EBF1: variants seen among roughly 807,000 people sequenced by gnomAD.
EBF1 encodes the protein EBF transcription factor 1.
EBF1 carries 10 observed loss-of-function variants against 68.4 expected under a neutral mutation model. The observed-to-expected ratio is 0.15, with a 90% CI of 0.09 to 0.25. The LOEUF (loss-of-function observed/expected upper bound fraction) is 0.25, where lower values mean the gene tolerates loss of function less well. Among genes scored for constraint, EBF1 ranks in the 10% least tolerant of loss-of-function variants. The pLI is 1.00. For missense variants in EBF1, 509 were observed against 794.4 expected (o/e 0.64, Z 4.32); for synonymous variants, 298 against 299.8 (o/e 0.99, Z 0.06).
intron 9 of EBF1, among the ~76,000 whole-genome samples, chr5:158,790,882 A>C (rs548313126): frequency 6.6e-6 from 1 of 152,332 alleles, no homozygotes; most frequent in Admixed American, 6.5e-5. Context: ...AGTTTAAATA[A>C]TTCTTTTGCA....
chr5:159,077,277 A>T (rs374371342), intron 5 of EBF1, among the ~76,000 whole-genome samples: 1 of 152,162 alleles, frequency 6.6e-6, no homozygotes, highest in Non-Finnish European at 1.5e-5. Flanking sequence ...TCTAATAAAA[A>T]TTTTTAAAAA....
At chr5:158,782,594 G>A (rs757027392) in intron 9 of EBF1, among the ~76,000 whole-genome samples, 1 of 152,154 alleles carries the variant, frequency 6.6e-6, no homozygotes, top group Non-Finnish European at 1.5e-5. Flanking sequence ...CCAGGAAGTC[G>A]AGGTTGCAGT....
chr5:158,944,551 T>C (rs1814227192), intron 6 of EBF1, among the ~76,000 whole-genome samples: 1 of 152,202 alleles, frequency 6.6e-6, no homozygotes, highest in South Asian at 2.1e-4. Flanking sequence ...GTCTTTATAG[T>C]AGAATGATTT....
intron 6 of EBF1, among the ~76,000 whole-genome samples, chr5:159,044,489 G>A (rs763771474): frequency 2.1e-4 from 32 of 152,166 alleles, no homozygotes; most frequent in Non-Finnish European, 1.9e-4. Context: ...TGTAGGAGTG[G>A]AGGAAGTGGA....
rs556894424 is a variant in EBF1 at position 158,713,007 on chromosome 5, G to A, written c.1332C>T (p.Ala444=). ...MGVNSFSGQL[A]VNVSEASQAT... ...CTTGTGATGCCTCGGAGACATTCAC[G>A]GCCAGTTGTCCACTGAACGAATTCA... The change falls in exon 13 of 16, where the codon GCC becomes GCT. Residue 444 remains alanine, a synonymous_variant. Coordinates refer to ENST00000313708, the MANE Select transcript of EBF1 (RefSeq NM_024007.5). 21 of 1,533,224 alleles carry A rather than the reference G, an allele frequency of 1.4e-5. No homozygotes were observed. The highest frequency in any genetic ancestry group is 5.7e-5 in the Admixed American group (3 of 52,294). The allele number at this position is 1,533,224 out of a possible 1,614,324, so 95.0% of individuals were successfully genotyped here. A position where few individuals can be genotyped will look rare whatever the true frequency, so the allele number is the denominator to read the frequency against.
At chr5:158,840,645 GTTTTTTTTTTTTTTTTTTTTTTTTTTTGT>G (rs754254731) in intron 6 of EBF1, among the ~76,000 whole-genome samples, 4 of 64,816 alleles carry the variant, frequency 6.2e-5, no homozygotes, top group South Asian at 8.1e-4. Context: ...AATACCTCCT[GTTTTTTTTTTTTTTTTTTTTTTTTTTTGT>G]TTTTTTTTTT....
chr5:159,066,784 C>A (rs1036639550), intron 6 of EBF1, among the ~76,000 whole-genome samples: 1 of 152,130 alleles, frequency 6.6e-6, no homozygotes, highest in Non-Finnish European at 1.5e-5. Context: ...GGAGATTTTT[C>A]TTCCTCTACC....
At chr5:158,935,751 G>A (rs1811876768) in intron 6 of EBF1, among the ~76,000 whole-genome samples, 1 of 152,164 alleles carries the variant, frequency 6.6e-6, no homozygotes, top group Non-Finnish European at 1.5e-5. Flanking sequence ...AGTGCAAAAT[G>A]TATCTGAAGT....
chr5:158,711,517 T>C (rs1449364510), intron 14 of EBF1, among the ~76,000 whole-genome samples: 1 of 152,210 alleles, frequency 6.6e-6, no homozygotes, highest in Non-Finnish European at 1.5e-5. Context: ...TTCCCAATTT[T>C]ACAGATGAGA....
At chr5:159,004,353 A>T (rs1290908441) in intron 6 of EBF1, among the ~76,000 whole-genome samples, 1 of 152,082 alleles carries the variant, frequency 6.6e-6, no homozygotes, top group Non-Finnish European at 1.5e-5. Flanking sequence ...GACTATATTA[A>T]GTCAGCAAAG....
At chr5:158,823,988 C>T (rs1472523759) in intron 7 of EBF1, among the ~76,000 whole-genome samples, 1 of 151,684 alleles carries the variant, frequency 6.6e-6, no homozygotes, top group East Asian at 1.9e-4. Context: ...ACACTGAAAC[C>T]ATCTCATAAA....
intron 15 of EBF1, among the ~76,000 whole-genome samples, chr5:158,700,135 A>C (rs1246816070): frequency 6.6e-6 from 1 of 152,242 alleles, no homozygotes; most frequent in Admixed American, 6.5e-5. Context: ...TTAACCCATC[A>C]CTTCTGCTAC....
At chr5:158,757,776 G>A (rs1376522949) in intron 10 of EBF1, among the ~76,000 whole-genome samples, 3 of 152,180 alleles carry the variant, frequency 2.0e-5, no homozygotes, top group Admixed American at 6.6e-5. Flanking sequence ...AAGATTAGAT[G>A]TCTAAAAATA....
chr5:158,920,923 A>G (rs2127402495), intron 6 of EBF1, among the ~76,000 whole-genome samples: 1 of 152,372 alleles, frequency 6.6e-6, no homozygotes, highest in South Asian at 2.1e-4. Flanking sequence ...TAATTTGCCT[A>G]AAAATCTGCA....
At chr5:158,962,966 C>A (rs1753322904) in intron 6 of EBF1, among the ~76,000 whole-genome samples, 2 of 152,204 alleles carry the variant, frequency 1.3e-5, no homozygotes, top group Non-Finnish European at 2.9e-5. Context: ...TATAGACAGA[C>A]CACTATTTAC....
intron 4 of EBF1, among the ~76,000 whole-genome samples, chr5:159,085,402 A>G (rs1373104839): frequency 6.6e-6 from 1 of 152,254 alleles, no homozygotes; most frequent in Non-Finnish European, 1.5e-5. Flanking sequence ...AAGAAGAGTT[A>G]CAACTGACTC....
chr5:158,713,483 G>C (rs969754264), intron 12 of EBF1, among the ~76,000 whole-genome samples: 1 of 152,134 alleles, frequency 6.6e-6, no homozygotes, highest in African/African-American at 2.4e-5. Flanking sequence ...ACAGCACCAT[G>C]GGGTTTTCCA....
intron 10 of EBF1, among the ~76,000 whole-genome samples, chr5:158,760,352 C>G (rs770470838): frequency 2.0e-5 from 3 of 152,118 alleles, no homozygotes; most frequent in Admixed American, 1.3e-4. Context: ...AGAAATACAA[C>G]AGCCAAGACA....
chr5:159,007,491 G>C (rs1034053053), intron 6 of EBF1, among the ~76,000 whole-genome samples: 1 of 152,128 alleles, frequency 6.6e-6, no homozygotes, highest in Admixed American at 6.6e-5. Context: ...AAGACCTCTA[G>C]AACAACATAG....
Sources: gnomAD v4.1 joint callset for allele counts (sites outside exome capture counted in the v4.1 genomes callset) on GRCh38, gnomAD v4.1.1 for gene constraint, MANE v1.5 for transcripts, NCBI Gene and HGNC (gene_info 2026-07-23, HGNC 2026-07-21) for gene names.